Variants in MLIP observed in about 807,000 individuals in gnomAD.
MLIP encodes the protein muscular LMNA-interacting protein.
In MLIP, 79 loss-of-function variants were observed where a neutral mutation model predicts 84.8. The ratio of observed to expected loss-of-function variants is 0.93; its 90% CI spans 0.78 to 1.12. The LOEUF is 1.12. Among genes scored for constraint, MLIP ranks in the 50% most tolerant of loss-of-function variants. MLIP has a pLI of 0.00. For synonymous variants in MLIP, 504 were observed against 463.0 expected (o/e 1.09, Z -1.14); for missense variants, 1,257 against 1,160.6 (o/e 1.08, Z -1.21).
At chr6:54,023,695 G>T (rs1239606149) in intron 1 of MLIP, among the ~76,000 whole-genome samples, 1 of 150,162 alleles carries the variant, frequency 6.7e-6, no homozygotes, top group African/African-American at 2.4e-5. Flanking sequence ...TCAGCTTCCC[G>T]GGTAGCTGGG....
At chr6:54,122,915 A>C (rs1319761843) in intron 2 of MLIP, among the ~76,000 whole-genome samples, 1 of 151,696 alleles carries the variant, frequency 6.6e-6, no homozygotes, top group Non-Finnish European at 1.5e-5. Context: ...AAATAGTGTA[A>C]TTCCTCATTC....
chr6:54,182,036 T>A (rs1461115987), intron 9 of MLIP, among the ~76,000 whole-genome samples: 1 of 152,210 alleles, frequency 6.6e-6, no homozygotes, highest in Non-Finnish European at 1.5e-5. Flanking sequence ...CTAGGTCATG[T>A]ACCACCCTAG....
At position 54,136,792 on chromosome 6, in the gene MLIP, G is replaced by T; in HGVS notation, c.723G>T (p.Pro241=). 6.5e-7 allele frequency: 1 copy of T among 1,527,312 alleles called. No individual in the cohort carries two copies. The highest frequency in any genetic ancestry group is 8.8e-7 in the Non-Finnish European group (1 of 1,139,828). The allele number at this position is 1,527,312 out of a possible 1,614,324, so 94.6% of individuals were successfully genotyped here. A position where few individuals can be genotyped will look rare whatever the true frequency, so the allele number is the denominator to read the frequency against. ...TCTCCTTTGTTTCTCCAACTAATCC[G>T]AACACACCACCCGACCCAGTTAACC... ...PAFSFVSPTN[P]NTPPDPVNLE... Residue 241 remains proline (P), a synonymous_variant, in exon 4 of 14, where the codon CCG becomes CCT. Coordinates refer to ENST00000502396, the MANE Select transcript of MLIP (RefSeq NM_001281747.2).
At chr6:54,123,597 T>C (rs905782097) in intron 2 of MLIP, among the ~76,000 whole-genome samples, 3 of 152,220 alleles carry the variant, frequency 2.0e-5, no homozygotes, top group African/African-American at 7.2e-5. Flanking sequence ...ACACATTAAA[T>C]TGACCACCAG....
intron 1 of MLIP, among the ~76,000 whole-genome samples, chr6:54,022,992 A>T (rs6458977): frequency 1.3e-5 from 2 of 151,658 alleles, no homozygotes; most frequent in South Asian, 4.2e-4. Context: ...ACGGTGAAAC[A>T]CCATCTCTAC....
At chr6:54,211,630 T>A (rs1010662002) in intron 11 of MLIP, among the ~76,000 whole-genome samples, 2 of 152,178 alleles carry the variant, frequency 1.3e-5, no homozygotes, top group African/African-American at 4.8e-5. Context: ...ATCAGTGAAA[T>A]GAGGGGATGG....
At chr6:54,201,183 T>G (rs1778652571) in intron 10 of MLIP, among the ~76,000 whole-genome samples, 1 of 152,190 alleles carries the variant, frequency 6.6e-6, no homozygotes. Context: ...CTGCCTCTCT[T>G]TGTCAAATCG....
chr6:54,031,882 T>G (rs1418017357), intron 1 of MLIP, among the ~76,000 whole-genome samples: 1 of 152,196 alleles, frequency 6.6e-6, no homozygotes, highest in East Asian at 1.9e-4. Context: ...GCATGCTTGT[T>G]GCTGGCAGAT....
intron 3 of MLIP, among the ~76,000 whole-genome samples, chr6:54,128,612 T>C (rs1370853357): frequency 6.6e-6 from 1 of 151,940 alleles, no homozygotes; most frequent in Non-Finnish European, 1.5e-5. Context: ...GTGGGAACAG[T>C]GTGAGCGAGA....
intron 1 of MLIP, among the ~76,000 whole-genome samples, chr6:54,050,467 T>C (rs920853288): frequency 3.9e-5 from 6 of 152,190 alleles, no homozygotes; most frequent in Admixed American, 2.6e-4. Flanking sequence ...CATTTGAACA[T>C]TATTGTTCTC....
intron 4 of MLIP, among the ~76,000 whole-genome samples, chr6:54,145,802 A>G (rs1772763890): frequency 6.6e-6 from 1 of 151,478 alleles, no homozygotes; most frequent in Admixed American, 6.6e-5. Context: ...CACAAAAAAA[A>G]AAAGAAAAAG....
At chr6:54,231,315 G>C (rs1780983794) in intron 12 of MLIP, among the ~76,000 whole-genome samples, 1 of 152,122 alleles carries the variant, frequency 6.6e-6, no homozygotes, top group South Asian at 2.1e-4. Flanking sequence ...CTTATAATTA[G>C]AGTCAATGGG....
intron 1 of MLIP, among the ~76,000 whole-genome samples, chr6:54,089,043 T>C (rs1375050312): frequency 1.3e-5 from 2 of 152,156 alleles, no homozygotes; most frequent in African/African-American, 4.8e-5. Context: ...AGACTTACAA[T>C]TCTGGTGGAT....
In MLIP at chr6:54,160,369, A is replaced by T; in HGVS notation, c.2292A>T (p.Ala764=). 6.2e-7 allele frequency: 1 copy of T among 1,611,676 alleles called. No homozygotes were observed. Among genetic ancestry groups the T allele is most frequent in the South Asian group, 1.1e-5 (1 of 90,992 alleles). ...AGAACTATTTCATTTGTCACTAGGC[A>T]CTAGATGAACCAGCCAAGACTGAAA... ...PTNTLLLEQK[A]LDEPAKTESV... Residue 764 remains alanine (A), a splice_region_variant and synonymous_variant, in exon 6 of 14, where the codon GCA becomes GCT. Coordinates refer to ENST00000502396, the MANE Select transcript of MLIP (RefSeq NM_001281747.2).
rs545186085 is a variant in MLIP, at chr6:54,113,171, C to T, written c.96+1596C>T. Among the ~76,000 whole-genome samples, 21 of 152,102 alleles carry T rather than the reference C, an allele frequency of 1.4e-4. No individual in the cohort carries two copies. The South Asian group carries it at 1.5e-3, about 11-fold the overall frequency. ...TATTTGGATGGAACATAAGATAGAC[C>T]TATAGTCATGACATGGAAAGATAAG... is the stretch of plus-strand genomic sequence containing the variant. On this transcript the variant is annotated intron_variant, in intron 1 of 13. Transcript: ENST00000502396.
chr6:54,231,003 C>T, intron 12 of MLIP, 86 bp downstream of exon 12: 2 of 1,087,812 alleles, frequency 1.8e-6, no homozygotes, highest in East Asian at 2.4e-5. Flanking sequence ...GTGGAGGAAA[C>T]ATGTGTTAGG....
At chr6:54,071,856 A>G (rs1441142841) in intron 1 of MLIP, among the ~76,000 whole-genome samples, 1 of 152,216 alleles carries the variant, frequency 6.6e-6, no homozygotes, top group South Asian at 2.1e-4. Flanking sequence ...AACATTAGCC[A>G]TGAAGTCAGC....
intron 11 of MLIP, chr6:54,216,665 C>G (rs946088914): frequency 5.1e-6 from 5 of 982,578 alleles, no homozygotes; most frequent in Non-Finnish European, 1.2e-6. Context: ...TCATACTTCA[C>G]AAGTTCAAAT....
At chr6:54,202,603 C>T (rs1283933029) in intron 11 of MLIP, among the ~76,000 whole-genome samples, 1 of 151,928 alleles carries the variant, frequency 6.6e-6, no homozygotes, top group East Asian at 1.9e-4. Flanking sequence ...TTCTAAAATC[C>T]TGCTTCCAGC....
Sources: gnomAD v4.1 joint callset for allele counts (sites outside exome capture counted in the v4.1 genomes callset) on GRCh38, gnomAD v4.1.1 for gene constraint, MANE v1.5 for transcripts, NCBI Gene and HGNC (gene_info 2026-07-23, HGNC 2026-07-21) for gene names.